CUTC: variants seen among roughly 807,000 people sequenced by gnomAD.
CUTC encodes the protein copper homeostasis protein cutC homolog.
In CUTC, 27 loss-of-function variants were observed where a neutral mutation model predicts 36.2. That is an observed-to-expected ratio of 0.75 (90% confidence interval 0.55 to 1.03). The LOEUF (loss-of-function observed/expected upper bound fraction) is 1.03. CUTC is among the 50% of genes least tolerant of loss of function. The pLI, the probability that CUTC is intolerant of heterozygous loss-of-function variation, is 0.00. For missense variants in CUTC, 315 were observed against 343.5 expected, an observed-to-expected ratio of 0.92 and a Z score of 0.66; for synonymous variants, 114 against 118.3, an observed-to-expected ratio of 0.96 and a Z score of 0.24.
intron 1 of CUTC, 150 bp from the exon 2 acceptor site, chr10:99,736,096 T>C: frequency 1.7e-6 from 1 of 603,520 alleles, no homozygotes; most frequent in Middle Eastern, 3.7e-4. Flanking sequence ...ATTAATGTGA[T>C]ATTTTATTGC....
rs2037384826 is a variant in CUTC, at chr10:99,747,312, A to C, written c.495A>C (p.Gly165=). ...CTCTGGAGACCCTCTTAACCTTGGG[A>C]TTTGAACGCGTGTTGACCAGTGGAT... ...MAALETLLTL[G]FERVLTSGCD... Residue 165 remains glycine, a synonymous_variant, in exon 6 of 9, where the codon GGA becomes GGC. Transcript: ENST00000370476. 6.2e-7 allele frequency: 1 copy of C among 1,614,134 alleles called. No homozygotes were observed. Among genetic ancestry groups the C allele is most frequent in the Non-Finnish European group, 8.5e-7 (1 of 1,179,982 alleles).
chr10:99,734,975 A>AGGGCG (rs2037282797), intron 1 of CUTC, among the ~76,000 whole-genome samples: 1 of 151,808 alleles, frequency 6.6e-6, no homozygotes, highest in South Asian at 2.1e-4. Context: ...TGTGGCACAT[A>AGGGCG]CCTGTAGTCC....
intron 7 of CUTC, among the ~76,000 whole-genome samples, chr10:99,750,867 T>C (rs1408868404): frequency 6.6e-6 from 1 of 152,234 alleles, no homozygotes; most frequent in Non-Finnish European, 1.5e-5. Flanking sequence ...TTATTTCTTG[T>C]AACCAGAATT....
intron 7 of CUTC, among the ~76,000 whole-genome samples, chr10:99,751,085 C>G (rs1172925387): frequency 2.6e-5 from 4 of 152,046 alleles, no homozygotes; most frequent in Admixed American, 2.6e-4. Flanking sequence ...TATGCTCATT[C>G]CCTAGATTTA....
chr10:99,750,529 A>G (rs1199576089), intron 7 of CUTC, 133 bp downstream of exon 7: 6 of 546,246 alleles, frequency 1.1e-5, no homozygotes, highest in Admixed American at 3.6e-5. Context: ...AGAAGAATAT[A>G]TAGTTTGATT....
In CUTC at chr10:99,750,382, T is replaced by C. The variant is rs2037407505; in HGVS notation, c.587T>C (p.Ile196Thr). The change falls in exon 7 of 9, where the codon ATT becomes ACT. Residue 196 changes from isoleucine (I) to threonine (T), a missense_variant. Coordinates refer to ENST00000370476, the MANE Select transcript of CUTC (RefSeq NM_015960.3). Reference sequence around the variant, plus strand: ...TTCTTTTTTCAGGCAAAAGGCAGGATTGTGGTAATGCCAGGTATTTATTTA... The same window carrying C: ...TTCTTTTTTCAGGCAAAAGGCAGGACTGTGGTAATGCCAGGTATTTATTTA... ...KRLIEQAKGR[I>T]VVMPGGGITD... The C allele has an allele frequency of 6.3e-7, 1 of 1,592,534 alleles. No individual in the cohort carries two copies. Among genetic ancestry groups the C allele is most frequent in the Non-Finnish European group, 8.5e-7 (1 of 1,173,442 alleles).
rs543673577 is a variant in CUTC at position 99,749,840 on chromosome 10, A to G, written c.574-529A>G. On this transcript the variant is annotated intron_variant, in intron 6 of 8. Transcript: ENST00000370476. ...TTGCTACCTGGAATTTTATTGTATA[A>G]ATATCCCTGTGCATTGTCTCGTCTT... 1.1e-4 allele frequency among the ~76,000 whole-genome samples: 16 copies of G among 152,214 alleles called. No homozygotes were observed. The South Asian group carries it at 3.3e-3, about 32-fold the overall frequency.
intron 1 of CUTC, among the ~76,000 whole-genome samples, chr10:99,733,988 T>C (rs1465934751): frequency 6.6e-6 from 1 of 151,984 alleles, no homozygotes; most frequent in Non-Finnish European, 1.5e-5. Context: ...AGGAAACTCA[T>C]GGAGTTAATA....
At chr10:99,750,338 A>C in intron 6 of CUTC, 31 bp from the exon 7 acceptor site, 1 of 1,547,010 alleles carries the variant, frequency 6.5e-7, no homozygotes, top group African/African-American at 1.4e-5. Context: ...AAGATATTAA[A>C]ATTCACTTGT....
At chr10:99,737,261 T>G (rs534666617) in intron 2 of CUTC, among the ~76,000 whole-genome samples, 8 of 151,194 alleles carry the variant, frequency 5.3e-5, no homozygotes, top group Non-Finnish European at 1.2e-4. Flanking sequence ...CAGCCAGATC[T>G]TGTCTAAAAA....
chr10:99,749,641 T>G (rs571702231), intron 6 of CUTC, among the ~76,000 whole-genome samples: 1 of 152,326 alleles, frequency 6.6e-6, no homozygotes, highest in South Asian at 2.1e-4. Context: ...GTCAATGTTT[T>G]GTTTTATGGA....
At chr10:99,747,132 T>C (rs775181437) in intron 5 of CUTC, 125 bp from the exon 6 acceptor site, 5 of 1,035,166 alleles carry the variant, frequency 4.8e-6, no homozygotes, top group Admixed American at 4.8e-5. Context: ...CTTGAGTGTT[T>C]AATAATTGGC....
intron 6 of CUTC, among the ~76,000 whole-genome samples, chr10:99,750,132 T>C (rs921761569): frequency 6.6e-6 from 1 of 152,048 alleles, no homozygotes; most frequent in African/African-American, 2.4e-5. Context: ...AAATGGCACT[T>C]ATTGGGGGGG....
chr10:99,736,331 G>T lies in CUTC; in HGVS notation c.133+14G>T. 4 of 1,591,428 alleles carry T rather than the reference G, an allele frequency of 2.5e-6. No homozygotes were observed. Among genetic ancestry groups the T allele is most frequent in the Non-Finnish European group, 3.4e-6 (4 of 1,159,474 alleles). ...CAGAAAGAGGAGGTAAGAGAAATCA[G>T]ATAGTGAATGACCGTTGGCTACCCT... On this transcript the variant is annotated intron_variant, in intron 2 of 8. Coordinates refer to ENST00000370476, the MANE Select transcript of CUTC (RefSeq NM_015960.3).
chr10:99,753,689 G>T (rs1564658424), intron 7 of CUTC, among the ~76,000 whole-genome samples: 2 of 152,206 alleles, frequency 1.3e-5, no homozygotes, highest in Admixed American at 6.5e-5. Flanking sequence ...GGAATTACAG[G>T]TGGGAGCCAC....
chr10:99,751,972 A>G (rs565847729), intron 7 of CUTC, among the ~76,000 whole-genome samples: 2 of 152,356 alleles, frequency 1.3e-5, no homozygotes, highest in African/African-American at 4.8e-5. Context: ...TGTATATCCT[A>G]TAAACTAATA....
rs1462224049 is a variant in CUTC at position 99,736,250 on chromosome 10, A to G, written c.66A>G (p.Ala22=). 6.2e-7 allele frequency: 1 copy of G among 1,613,468 alleles called. No individual in the cohort carries two copies. Among genetic ancestry groups the G allele is most frequent in the African/African-American group, 1.3e-5 (1 of 74,916 alleles). The part of the protein sequence containing the change: ...RARIPSGKAG[A]ANGFLMEVCV... The stretch of plus-strand genomic sequence containing the variant: ...ACCATTCTCCATGTATTTTAGGAGC[A>G]GCAAATGGATTTCTCATGGAAGTTT... The change falls in exon 2 of 9, where the codon GCA becomes GCG. Residue 22 remains alanine (A), a synonymous_variant. Transcript: ENST00000370476.
chr10:99,754,641 A>G lies in CUTC; in HGVS notation c.707+7A>G. On this transcript the variant is annotated splice_region_variant and intron_variant, in intron 8 of 8. Coordinates refer to ENST00000370476, the MANE Select transcript of CUTC (RefSeq NM_015960.3). ...ACTCGGGAATGAAGTTTCGGTAAAA[A>G]TGTATTCTTCGATTCAAATAAGAAG... 5 of 1,584,360 alleles carry G rather than the reference A, an allele frequency of 3.2e-6. No homozygotes were observed. The highest frequency in any genetic ancestry group is 4.3e-6 in the Non-Finnish European group (5 of 1,156,474).
intron 5 of CUTC, among the ~76,000 whole-genome samples, chr10:99,746,341 C>T (rs1345651783): frequency 6.6e-6 from 1 of 152,014 alleles, no homozygotes; most frequent in African/African-American, 2.4e-5. Context: ...AGGGGAACAA[C>T]ACACACTGGG....
Sources: gnomAD v4.1 joint callset for allele counts (sites outside exome capture counted in the v4.1 genomes callset) on GRCh38, gnomAD v4.1.1 for gene constraint, MANE v1.5 for transcripts, NCBI Gene and HGNC (gene_info 2026-07-23, HGNC 2026-07-21) for gene names.